Variants in CYB5A observed in about 807,000 individuals in gnomAD.
The protein encoded by CYB5A is cytochrome b5.
Under a neutral mutation model 16.2 loss-of-function variants are expected in CYB5A, and 10 were observed. The observed-to-expected ratio is 0.62, with a 90% CI of 0.38 to 1.04. The LOEUF (loss-of-function observed/expected upper bound fraction) is 1.04, where lower values mean the gene tolerates loss of function less well. CYB5A is among the 50% of genes least tolerant of loss of function. The probability of loss-of-function intolerance (pLI) is 0.01; values close to 1 mark genes in which losing one functional copy is unlikely to be tolerated. For synonymous variants in CYB5A, 62 were observed against 57.0 expected (o/e 1.09, Z -0.40); for missense variants, 161 against 165.9 (o/e 0.97, Z 0.16).
chr18:74,257,220 C>A, intron 3 of CYB5A: 1 of 286,694 alleles, frequency 3.5e-6, no homozygotes, highest in Non-Finnish European at 6.6e-6. Context: ...AACTCTGGAA[C>A]CTCCCACCTG....
At chr18:74,284,172 C>T (rs1983227018) in intron 1 of CYB5A, among the ~76,000 whole-genome samples, 1 of 141,970 alleles carries the variant, frequency 7.0e-6, no homozygotes, top group Non-Finnish European at 1.5e-5. Flanking sequence ...TGGAAGGTTG[C>T]AGTGAGCCGA....
chr18:74,271,227 G>A (rs2145061138), intron 1 of CYB5A, among the ~76,000 whole-genome samples: 1 of 152,316 alleles, frequency 6.6e-6, no homozygotes, highest in East Asian at 1.9e-4. Context: ...ATCCAATCTT[G>A]AAGAAGCATA....
intron 1 of CYB5A, among the ~76,000 whole-genome samples, chr18:74,288,880 G>A (rs1013578336): frequency 1.3e-5 from 2 of 152,182 alleles, no homozygotes; most frequent in Admixed American, 1.3e-4. Context: ...GGAAAAACAC[G>A]TCCATAAGAG....
intron 2 of CYB5A, among the ~76,000 whole-genome samples, chr18:74,262,451 G>C (rs902637656): frequency 4.9e-5 from 2 of 40,860 alleles, no homozygotes; most frequent in African/African-American, 1.3e-4. Context: ...GCAAGACTCT[G>C]TCTCAAAAAA....
intron 1 of CYB5A, among the ~76,000 whole-genome samples, chr18:74,288,971 T>C (rs911052081): frequency 1.3e-5 from 2 of 152,196 alleles, no homozygotes; most frequent in African/African-American, 4.8e-5. Context: ...AACCACATGT[T>C]GGCAGACAGT....
intron 1 of CYB5A, among the ~76,000 whole-genome samples, chr18:74,270,150 G>T (rs1456886377): frequency 1.3e-5 from 2 of 151,708 alleles, no homozygotes; most frequent in African/African-American, 4.8e-5. Context: ...CCCAACATCT[G>T]CCTTCTGCTT....
At chr18:74,291,708 C>G in intron 1 of CYB5A, 39 bp downstream of exon 1, 1 of 1,613,112 alleles carries the variant, frequency 6.2e-7, no homozygotes, top group Non-Finnish European at 8.5e-7. Context: ...AAACCCGGCC[C>G]ACGCTCCCTG....
intron 2 of CYB5A, 103 bp from the exon 3 acceptor site, chr18:74,261,047 T>C (rs1982180207): frequency 1.1e-6 from 1 of 895,246 alleles, no homozygotes; most frequent in African/African-American, 1.7e-5. Flanking sequence ...ATTCAGTAAT[T>C]ACCATTTCAG....
intron 1 of CYB5A, among the ~76,000 whole-genome samples, chr18:74,265,545 T>G (rs1402350149): frequency 6.6e-6 from 1 of 152,234 alleles, no homozygotes; most frequent in Non-Finnish European, 1.5e-5. Context: ...TTACCCAGCA[T>G]TTTTATTAAA....
At chr18:74,280,776 T>C (rs1288661726) in intron 1 of CYB5A, among the ~76,000 whole-genome samples, 1 of 152,040 alleles carries the variant, frequency 6.6e-6, no homozygotes, top group Non-Finnish European at 1.5e-5. Context: ...GAGGTGGAAA[T>C]CTTTGTGCGA....
At chr18:74,270,892 G>A (rs899239778) in intron 1 of CYB5A, among the ~76,000 whole-genome samples, 4 of 152,118 alleles carry the variant, frequency 2.6e-5, no homozygotes, top group African/African-American at 4.8e-5. Flanking sequence ...GATCTGTCTC[G>A]TTCATCACTG....
chr18:74,254,536 T>C (rs552348555), intron 4 of CYB5A, among the ~76,000 whole-genome samples: 3 of 152,152 alleles, frequency 2.0e-5, no homozygotes, highest in African/African-American at 7.2e-5. Context: ...TTTTTTTTTT[T>C]TGATACAGAG....
At chr18:74,267,242 C>T (rs1351316643) in intron 1 of CYB5A, among the ~76,000 whole-genome samples, 2 of 152,080 alleles carry the variant, frequency 1.3e-5, no homozygotes, top group African/African-American at 4.8e-5. Context: ...CTGCAACCTC[C>T]GCCTCCCAGG....
intron 1 of CYB5A, among the ~76,000 whole-genome samples, chr18:74,284,969 G>A (rs138944698): frequency 3.9e-5 from 6 of 152,158 alleles, no homozygotes; most frequent in Admixed American, 2.6e-4. Context: ...TCACCCTCCC[G>A]GTCCCCATGT....
chr18:74,291,962 T>TCC lies in CYB5A; in HGVS notation c.-88_-87insGG. The TCC allele has an allele frequency of 6.3e-7, 1 of 1,594,010 alleles. No homozygotes were observed. Among genetic ancestry groups the TCC allele is most frequent in the Non-Finnish European group, 8.5e-7 (1 of 1,175,074 alleles). ...ACTCAGCCAGCTCCACCCGGGACAT[T>TCC]CCCCGCGCCGGGAACCCCACTGGGG... On this transcript the variant is annotated 5_prime_UTR_variant, in exon 1 of 5. Coordinates refer to ENST00000340533, the MANE Select transcript of CYB5A (RefSeq NM_148923.4).
rs1390040240 is a variant in CYB5A at position 74,273,593 on chromosome 18, G to A, written c.130-10116C>T. The stretch of plus-strand genomic sequence containing the variant: ...ACTTAAGGCTGATGGCCAACACAGA[G>A]CTCATCACCTACGAAGCTGGCCTAG... On this transcript the variant is annotated intron_variant, in intron 1 of 4. Coordinates refer to ENST00000340533, the MANE Select transcript of CYB5A (RefSeq NM_148923.4). Among the ~76,000 whole-genome samples, 3 of 152,194 alleles carry A rather than the reference G, an allele frequency of 2.0e-5. No individual in the cohort carries two copies. In the East Asian group the frequency reaches 5.8e-4, roughly 29 times the overall value.
At chr18:74,284,841 A>G (rs901575297) in intron 1 of CYB5A, among the ~76,000 whole-genome samples, 1 of 152,168 alleles carries the variant, frequency 6.6e-6, no homozygotes, top group African/African-American at 2.4e-5. Flanking sequence ...AATTCTACGG[A>G]TGTAAGAAAG....
At chr18:74,255,042 A>C (rs1488012849) in intron 4 of CYB5A, among the ~76,000 whole-genome samples, 2 of 152,184 alleles carry the variant, frequency 1.3e-5, no homozygotes, top group African/African-American at 4.8e-5. Flanking sequence ...GGGGTTTTTC[A>C]ATTTCACTTT....
At chr18:74,259,915 A>G (rs1982131818) in intron 3 of CYB5A, 1 of 149,786 alleles carries the variant, frequency 6.7e-6, no homozygotes, top group Admixed American at 6.8e-5. Flanking sequence ...TTCACATTGA[A>G]CTTAAGTCTT....
Sources: allele counts gnomAD v4.1 joint callset (sites outside exome capture counted in the v4.1 genomes callset), GRCh38; gene constraint gnomAD v4.1.1; transcripts MANE v1.5; gene names NCBI Gene and HGNC (gene_info 2026-07-23, HGNC 2026-07-21).